Variants in SLC39A11 observed in about 807,000 individuals in gnomAD.
SLC39A11 encodes the protein solute carrier family 39 member 11, also known as zinc transporter ZIP11.
Under a neutral mutation model 36.1 loss-of-function variants are expected in SLC39A11, and 33 were observed. The ratio of observed to expected loss-of-function variants is 0.91; its 90% confidence interval spans 0.69 to 1.22. The LOEUF (loss-of-function observed/expected upper bound fraction) is 1.22, where lower values mean the gene tolerates loss of function less well. SLC39A11 is among the 50% of genes most tolerant of loss of function. The pLI is 0.00. For synonymous variants in SLC39A11, 166 were observed against 170.3 expected (o/e 0.97, Z 0.20); for missense variants, 432 against 430.3 (o/e 1.00, Z -0.03).
intron 6 of SLC39A11, among the ~76,000 whole-genome samples, chr17:72,827,305 A>T (rs116267791): frequency 0.016 from 2,499 of 152,284 alleles, 77 homozygotes; most frequent in African/African-American, 0.056. Context: ...ATAGAGACAA[A>T]AGTAGATGAG....
intron 6 of SLC39A11, among the ~76,000 whole-genome samples, chr17:72,794,237 A>G (rs1213936877): frequency 6.6e-6 from 1 of 152,046 alleles, no homozygotes; most frequent in Non-Finnish European, 1.5e-5. Context: ...GCTCATCACC[A>G]TCACACAGTC....
Position 72,665,985 on chromosome 17 carries a change from A to G in SLC39A11, c.672-16717T>C, listed in dbSNP as rs181844142. ...AGTCAAATGCCAGGTGCATACAGCAATGAAACAGACATGTGTGCAGATGCA... is the reference window on the plus strand; with the variant it reads ...AGTCAAATGCCAGGTGCATACAGCAGTGAAACAGACATGTGTGCAGATGCA... On this transcript the variant is annotated intron_variant, in intron 7 of 9. Transcript: ENST00000255559. 4.0e-3 allele frequency among the ~76,000 whole-genome samples: 608 copies of G among 152,344 alleles called. 1 individual carries two copies. Among genetic ancestry groups the G allele is most frequent in the Non-Finnish European group, 7.2e-3 (488 of 68,030 alleles).
chr17:72,950,704 G>A (rs1273439857), intron 4 of SLC39A11, among the ~76,000 whole-genome samples: 3 of 152,176 alleles, frequency 2.0e-5, no homozygotes, highest in Non-Finnish European at 4.4e-5. Flanking sequence ...AAGAAATGCC[G>A]CAGCATTAAT....
chr17:72,646,959 A>G lies in SLC39A11; in HGVS notation c.*625T>C, dbSNP rs984428812. 9 of 151,492 alleles carry G rather than the reference A, an allele frequency of 5.9e-5. No individual in the cohort carries two copies. Among genetic ancestry groups the G allele is most frequent in the African/African-American group, 1.7e-4 (7 of 41,244 alleles). 9.4% of individuals were successfully genotyped at this position (151,492 alleles called of 1,614,324 possible). ...TCAATCTTTGCCTTTAAAAAAAAAA[A>G]AAAAAAAAGCCAGACTAGCCAATTT... On this transcript the variant is annotated 3_prime_UTR_variant, in exon 10 of 10. Transcript: ENST00000255559.
At chr17:72,718,172 G>C (rs1477781122) in intron 7 of SLC39A11, among the ~76,000 whole-genome samples, 2 of 152,184 alleles carry the variant, frequency 1.3e-5, no homozygotes, top group Non-Finnish European at 2.9e-5. Flanking sequence ...TCTGGGCTGA[G>C]GGCAGCAGCT....
chr17:72,787,253 CTTTTTTTT>C (rs56100121), intron 6 of SLC39A11, among the ~76,000 whole-genome samples: 4 of 80,484 alleles, frequency 5.0e-5, no homozygotes, highest in Non-Finnish European at 8.9e-5. Context: ...TAACCCATGG[CTTTTTTTT>C]TTTTTTTTTT....
At chr17:72,878,563 A>T (rs1236894159) in intron 5 of SLC39A11, among the ~76,000 whole-genome samples, 1 of 152,124 alleles carries the variant, frequency 6.6e-6, no homozygotes, top group Non-Finnish European at 1.5e-5. Flanking sequence ...CTCACATGCC[A>T]TCTTCTCAGT....
At chr17:72,906,093 C>T (rs576308533) in intron 5 of SLC39A11, among the ~76,000 whole-genome samples, 11 of 152,282 alleles carry the variant, frequency 7.2e-5, no homozygotes, top group South Asian at 4.2e-4. Context: ...GGGTTCACAA[C>T]GAGCTAGAGT....
chr17:72,797,697 T>C (rs1216614837), intron 6 of SLC39A11, among the ~76,000 whole-genome samples: 2 of 152,120 alleles, frequency 1.3e-5, no homozygotes, highest in African/African-American at 4.8e-5. Flanking sequence ...GGCCCGGCTC[T>C]GCAGAGGATG....
intron 7 of SLC39A11, among the ~76,000 whole-genome samples, chr17:72,701,832 G>A (rs1256186647): frequency 6.6e-6 from 1 of 152,102 alleles, no homozygotes; most frequent in Non-Finnish European, 1.5e-5. Flanking sequence ...AGAGTGTGGT[G>A]GCTCACGCCT....
At chr17:72,900,004 AAGAGAGAGAGAGAGAAAGAG>A (rs1417831176) in intron 5 of SLC39A11, among the ~76,000 whole-genome samples, 3 of 128,498 alleles carry the variant, frequency 2.3e-5, no homozygotes, top group South Asian at 2.3e-4. Context: ...GAGAGAGAGA[AAGAGAGAGAGAGAGAAAGAG>A]AGAGAGAGAG....
intron 5 of SLC39A11, among the ~76,000 whole-genome samples, chr17:72,851,607 G>C (rs1018508068): frequency 6.6e-6 from 1 of 152,174 alleles, no homozygotes; most frequent in African/African-American, 2.4e-5. Context: ...AATCTCATTA[G>C]GAGTATATAT....
chr17:72,796,769 G>A (rs1488058907), intron 6 of SLC39A11, among the ~76,000 whole-genome samples: 1 of 152,190 alleles, frequency 6.6e-6, no homozygotes, highest in Non-Finnish European at 1.5e-5. Flanking sequence ...AGCCTCCTGA[G>A]TAGCTGGGAT....
At chr17:72,861,767 T>TCTCCA in intron 5 of SLC39A11, among the ~76,000 whole-genome samples, 1 of 115,030 alleles carries the variant, frequency 8.7e-6, no homozygotes, top group African/African-American at 3.6e-5. Flanking sequence ...TATATATATA[T>TCTCCA]ATATATATAT....
At chr17:72,856,010 T>C (rs1468627005) in intron 5 of SLC39A11, among the ~76,000 whole-genome samples, 1 of 152,246 alleles carries the variant, frequency 6.6e-6, no homozygotes, top group Non-Finnish European at 1.5e-5. Context: ...CATTCTCATA[T>C]GATGGGAACT....
chr17:72,744,990 C>T (rs1041322171), intron 6 of SLC39A11, among the ~76,000 whole-genome samples: 3 of 152,258 alleles, frequency 2.0e-5, no homozygotes, highest in South Asian at 4.1e-4. Flanking sequence ...TACAGGTGCG[C>T]ACCACCAGGC....
intron 3 of SLC39A11, among the ~76,000 whole-genome samples, chr17:73,081,768 C>CACAG (rs2060542300): frequency 1.3e-5 from 1 of 79,386 alleles, no homozygotes; most frequent in African/African-American, 4.4e-5. Flanking sequence ...TGGGTATATA[C>CACAG]ATATATATAT....
intron 4 of SLC39A11, among the ~76,000 whole-genome samples, chr17:73,025,888 GCATC>G (rs1346353404): frequency 6.6e-6 from 1 of 152,142 alleles, no homozygotes. Flanking sequence ...GCTGAGGCAG[GCATC>G]CGCCTGCCTG....
intron 7 of SLC39A11, among the ~76,000 whole-genome samples, chr17:72,685,375 G>C (rs1377901832): frequency 6.6e-6 from 1 of 152,290 alleles, no homozygotes; most frequent in Non-Finnish European, 1.5e-5. Context: ...TAAAGGGGGA[G>C]GGGCGGTTGA....
Sources: allele counts gnomAD v4.1 joint callset (sites outside exome capture counted in the v4.1 genomes callset), GRCh38; gene constraint gnomAD v4.1.1; transcripts MANE v1.5; gene names NCBI Gene and HGNC (gene_info 2026-07-23, HGNC 2026-07-21).